Variants in NXPE2 observed in about 807,000 individuals in gnomAD.
NXPE2 encodes the protein NXPE family member 2.
NXPE2 carries 34 observed loss-of-function variants against 34.4 expected under a neutral mutation model. The ratio of observed to expected loss-of-function variants is 0.99; its 90% CI spans 0.75 to 1.31. NXPE2 has a LOEUF of 1.31. Among genes scored for constraint, NXPE2 ranks in the 40% most tolerant of loss-of-function variants. The probability of loss-of-function intolerance (pLI) is 0.00; values close to 1 mark genes in which losing one functional copy is unlikely to be tolerated. For missense variants in NXPE2, 649 were observed against 672.5 expected (o/e 0.97, Z 0.39); for synonymous variants, 235 against 231.3 (o/e 1.02, Z -0.15).
At chr11:114,813,421 C>T in the NXPE2 span, among the ~76,000 whole-genome samples, 1 of 152,228 alleles carries the variant, frequency 6.6e-6, no homozygotes, top group African/African-American at 2.4e-5. Context: ...CAAACACACG[C>T]CCCTTGGAAC....
chr11:114,676,876 A>G (rs117387985), upstream of NXPE2, among the ~76,000 whole-genome samples: 14,008 of 152,140 alleles, frequency 0.092, 759 homozygotes, highest in Middle Eastern at 0.2. Flanking sequence ...CAACAGATGA[A>G]CTGATAAAGA....
chr11:114,501,161 T>C, the NXPE2 span, among the ~76,000 whole-genome samples: 23,017 of 152,228 alleles, frequency 0.15, 1,955 homozygotes, highest in South Asian at 0.23. Flanking sequence ...TTCTGAAACC[T>C]AGCAGTATAC....
At chr11:114,624,628 C>T in the NXPE2 span, among the ~76,000 whole-genome samples, 1 of 151,884 alleles carries the variant, frequency 6.6e-6, no homozygotes, top group Non-Finnish European at 1.5e-5. Flanking sequence ...ACCACTGTTA[C>T]CCAGTGGATA....
chr11:114,719,411 A>C, the NXPE2 span, among the ~76,000 whole-genome samples: 1 of 152,218 alleles, frequency 6.6e-6, no homozygotes, highest in African/African-American at 2.4e-5. Context: ...AGGAGGCAGC[A>C]GCCTAATGTG....
At chr11:114,478,246 C>T in the NXPE2 span, among the ~76,000 whole-genome samples, 3 of 152,010 alleles carry the variant, frequency 2.0e-5, no homozygotes, top group East Asian at 5.8e-4. Flanking sequence ...CAATTTGGAG[C>T]CAGATACTTA....
chr11:114,573,209 TA>T, the NXPE2 span, among the ~76,000 whole-genome samples: 1 of 152,158 alleles, frequency 6.6e-6, no homozygotes, highest in Non-Finnish European at 1.5e-5. Context: ...AAAGGAGCTC[TA>T]AATCTTGAAG....
At chr11:114,632,767 TA>T in the NXPE2 span, among the ~76,000 whole-genome samples, 1 of 9,842 alleles carries the variant, frequency 1.0e-4, no homozygotes, top group African/African-American at 5.8e-4. Context: ...TCATATATTA[TA>T]TAATTATATA....
At chr11:114,504,791 G>A in the NXPE2 span, among the ~76,000 whole-genome samples, 4 of 152,266 alleles carry the variant, frequency 2.6e-5, no homozygotes, top group East Asian at 7.7e-4. Context: ...ATCAGCGCAA[G>A]GAATGCTGAA....
At chr11:114,685,554 A>T (rs1951030901) in intron 2 of NXPE2, among the ~76,000 whole-genome samples, 1 of 152,164 alleles carries the variant, frequency 6.6e-6, no homozygotes, top group Admixed American at 6.6e-5. Flanking sequence ...GAGAACCACA[A>T]ATATTCTATC....
chr11:114,491,325 C>T, the NXPE2 span, among the ~76,000 whole-genome samples: 1 of 151,726 alleles, frequency 6.6e-6, no homozygotes. Context: ...AAGAAAAAAA[C>T]AACCCCATCA....
At chr11:114,714,432 T>G in the NXPE2 span, among the ~76,000 whole-genome samples, 3 of 152,206 alleles carry the variant, frequency 2.0e-5, no homozygotes, top group African/African-American at 7.2e-5. Context: ...GCTAGGACTT[T>G]TATACAGGTG....
At chr11:114,619,820 T>G in the NXPE2 span, among the ~76,000 whole-genome samples, 1 of 151,330 alleles carries the variant, frequency 6.6e-6, no homozygotes, top group Non-Finnish European at 1.5e-5. Context: ...ACCCAGTTTA[T>G]AATAAGTGTT....
At chr11:114,509,137 C>A in the NXPE2 span, among the ~76,000 whole-genome samples, 1 of 152,142 alleles carries the variant, frequency 6.6e-6, no homozygotes, top group East Asian at 1.9e-4. Flanking sequence ...ATGTGGCCAA[C>A]AAACATGAAA....
the NXPE2 span, among the ~76,000 whole-genome samples, chr11:114,491,457 A>T: frequency 1.3e-5 from 2 of 152,164 alleles, no homozygotes; most frequent in African/African-American, 4.8e-5. Flanking sequence ...AACCACAATG[A>T]GATACCATCT....
the NXPE2 span, among the ~76,000 whole-genome samples, chr11:114,474,917 C>T: frequency 6.6e-6 from 1 of 152,048 alleles, no homozygotes; most frequent in South Asian, 2.1e-4. Context: ...TGTCGTGTGA[C>T]CTTTAAAAAT....
chr11:114,652,023 C>T, the NXPE2 span, among the ~76,000 whole-genome samples: 1 of 152,188 alleles, frequency 6.6e-6, no homozygotes. Flanking sequence ...TCAATTGGAA[C>T]TCCAAAGCAT....
chr11:114,480,617 C>T, the NXPE2 span, among the ~76,000 whole-genome samples: 1 of 152,112 alleles, frequency 6.6e-6, no homozygotes, highest in African/African-American at 2.4e-5. Context: ...TTACCAGTTA[C>T]GTGATAATGA....
At chr11:114,752,948 G>C in the NXPE2 span, among the ~76,000 whole-genome samples, 2,248 of 152,308 alleles carry the variant, frequency 0.015, 58 homozygotes, top group African/African-American at 0.052. Flanking sequence ...GAGGTCATAA[G>C]ACTGAGCCTT....
chr11:114,635,541 C>G, the NXPE2 span, among the ~76,000 whole-genome samples: 325 of 152,054 alleles, frequency 2.1e-3, 1 homozygote, highest in Non-Finnish European at 3.5e-3. Context: ...CTGTCTTGTG[C>G]CAGTTTTCAA....
Sources: allele counts gnomAD v4.1 joint callset (sites outside exome capture counted in the v4.1 genomes callset), GRCh38; gene constraint gnomAD v4.1.1; transcripts MANE v1.5; gene names NCBI Gene and HGNC (gene_info 2026-07-23, HGNC 2026-07-21).